Variants in ZC3H6 observed in about 807,000 individuals in gnomAD.
The protein encoded by ZC3H6 is zinc finger CCCH-type containing 6.
ZC3H6 carries 40 observed loss-of-function variants against 107.7 expected under a neutral mutation model. The ratio of observed to expected loss-of-function variants is 0.37; its 90% CI spans 0.29 to 0.48. The LOEUF (loss-of-function observed/expected upper bound fraction) is 0.48. ZC3H6 is among the 20% of genes least tolerant of loss of function. ZC3H6 has a pLI of 0.98. For missense variants in ZC3H6, 1,267 were observed against 1,410.4 expected (o/e 0.90, Z 1.63); for synonymous variants, 493 against 487.9 (o/e 1.01, Z -0.14).
chr2:112,322,150 TCCTC>T (rs969447935), intron 8 of ZC3H6, among the ~76,000 whole-genome samples: 6 of 143,778 alleles, frequency 4.2e-5, no homozygotes, highest in African/African-American at 1.0e-4. Flanking sequence ...CCTCCTTCCT[TCCTC>T]CCTCCCTCCC....
chr2:112,315,576 G>A (rs1160143301), intron 5 of ZC3H6, among the ~76,000 whole-genome samples: 2 of 150,988 alleles, frequency 1.3e-5, no homozygotes, highest in East Asian at 1.9e-4. Context: ...ATAAAATATT[G>A]TAAACTTTTT....
chr2:112,311,437 T>C (rs571994969), intron 4 of ZC3H6, among the ~76,000 whole-genome samples: 1 of 152,362 alleles, frequency 6.6e-6, no homozygotes, highest in Non-Finnish European at 1.5e-5. Context: ...AAATTTGATT[T>C]GCTGCTAATT....
In ZC3H6 at chr2:112,311,941, C is replaced by T; in HGVS notation, c.747+4C>T. 6 of 1,606,878 alleles carry T rather than the reference C, an allele frequency of 3.7e-6. No homozygotes were observed. Among genetic ancestry groups the T allele is most frequent in the Non-Finnish European group, 5.1e-6 (6 of 1,176,542 alleles). On this transcript the variant is annotated splice_donor_region_variant and intron_variant, in intron 5 of 11. Coordinates refer to ENST00000409871, the MANE Select transcript of ZC3H6 (RefSeq NM_198581.3). ...AGTATCGGATGACTTTCAAGAGGTA[C>T]TAAGAATTTATGTATAAGGAGGGGA...
chr2:112,314,997 C>G (rs933762188), intron 5 of ZC3H6, among the ~76,000 whole-genome samples: 2 of 152,148 alleles, frequency 1.3e-5, no homozygotes, highest in African/African-American at 4.8e-5. Context: ...ATTTAGACAT[C>G]TATTGCCTCA....
chr2:112,282,063 C>CTTAGA (rs1399408493), intron 1 of ZC3H6, among the ~76,000 whole-genome samples: 1 of 152,216 alleles, frequency 6.6e-6, no homozygotes, highest in Non-Finnish European at 1.5e-5. Flanking sequence ...TTGTGCTCTA[C>CTTAGA]ACTCCACAGT....
chr2:112,320,168 G>C (rs1676775295), intron 7 of ZC3H6, among the ~76,000 whole-genome samples: 1 of 152,146 alleles, frequency 6.6e-6, no homozygotes, highest in Non-Finnish European at 1.5e-5. Context: ...CCCGACCTCA[G>C]GTGATCCGCC....
chr2:112,295,233 A>T (rs1676210691), intron 1 of ZC3H6, among the ~76,000 whole-genome samples: 1 of 152,114 alleles, frequency 6.6e-6, no homozygotes, highest in Non-Finnish European at 1.5e-5. Flanking sequence ...CTCCTTTTTT[A>T]AAAAGGACAT....
rs1412673422 is a variant in ZC3H6, at chr2:112,310,273, G to C, written c.613+112G>C. On this transcript the variant is annotated intron_variant, in intron 4 of 11. Transcript: ENST00000409871. ...TGTTCAAGATTAGCTTATTCTTGTA[G>C]AACCTAAATTCATTTTCTTTTATTT... 9.5e-6 allele frequency: 10 copies of C among 1,050,664 alleles called. No homozygotes were observed. In the African/African-American group the frequency reaches 9.7e-5, roughly 10 times the overall value. 65.1% of individuals were successfully genotyped at this position (1,050,664 alleles called of 1,614,324 possible).
chr2:112,297,565 A>G (rs1055038159), intron 1 of ZC3H6, among the ~76,000 whole-genome samples: 2 of 152,236 alleles, frequency 1.3e-5, no homozygotes, highest in African/African-American at 4.8e-5. Context: ...TGCATTTTAA[A>G]ATACTATTAA....
intron 1 of ZC3H6, among the ~76,000 whole-genome samples, chr2:112,293,047 G>A (rs1255056773): frequency 5.9e-5 from 9 of 152,168 alleles, no homozygotes; most frequent in African/African-American, 1.9e-4. Context: ...GTAAAAATTA[G>A]GAGAGCCATG....
intron 9 of ZC3H6, among the ~76,000 whole-genome samples, chr2:112,323,747 T>A (rs1676849194): frequency 6.6e-6 from 1 of 152,160 alleles, no homozygotes; most frequent in African/African-American, 2.4e-5. Flanking sequence ...CAATAACCAA[T>A]TACAAATTAT....
Position 112,331,901 on chromosome 2 carries a change from GC to G in ZC3H6, c.2987del (p.Pro996LeufsTer67). 1 of 1,613,932 alleles carries G rather than the reference GC, an allele frequency of 6.2e-7. No homozygotes were observed. Among genetic ancestry groups the G allele is most frequent in the Non-Finnish European group, 8.5e-7 (1 of 1,179,888 alleles). ...GAAGGATTCACATGCATCAAAGGGT[GC>G]CCCTCACTTACCCAGATCAAACCCT... ...VMKDSHASKG[A>X]PHLPRSNPGS... On this transcript the variant is annotated frameshift_variant, in exon 12 of 12. Transcript: ENST00000409871. LOFTEE classifies it high-confidence loss of function.
In ZC3H6 at chr2:112,331,765, A is replaced by G. The variant is rs1445731369; in HGVS notation, c.2847A>G (p.Gln949=). The change falls in exon 12 of 12, where the codon CAA becomes CAG. Residue 949 remains glutamine (Q), a synonymous_variant. Coordinates refer to ENST00000409871, the MANE Select transcript of ZC3H6 (RefSeq NM_198581.3). ...CAAACAGAGAAGGCTACCTAGAACA[A>G]TTTGGAGACTCACACGGTTCAGGAG... ...NTTNREGYLE[Q]FGDSHGSGAK... 1.2e-6 allele frequency: 2 copies of G among 1,613,650 alleles called. No individual in the cohort carries two copies. The highest frequency in any genetic ancestry group is 2.2e-5 in the East Asian group (1 of 44,878).
intron 1 of ZC3H6, among the ~76,000 whole-genome samples, chr2:112,288,017 C>T (rs1182277563): frequency 1.3e-5 from 2 of 152,238 alleles, no homozygotes; most frequent in African/African-American, 4.8e-5. Flanking sequence ...TCATTAACAT[C>T]TGTTGTCACC....
At chr2:112,328,233 C>A (rs1042150235) in intron 11 of ZC3H6, among the ~76,000 whole-genome samples, 15 of 152,094 alleles carry the variant, frequency 9.9e-5, no homozygotes, top group African/African-American at 3.6e-4. Flanking sequence ...GTTTTGATTA[C>A]TATAGCTCTC....
chr2:112,304,829 C>T (rs1428731621), intron 3 of ZC3H6, among the ~76,000 whole-genome samples: 1 of 152,118 alleles, frequency 6.6e-6, no homozygotes, highest in African/African-American at 2.4e-5. Flanking sequence ...TTCCTAATCT[C>T]TTGTGAGTTT....
intron 6 of ZC3H6, 40 bp downstream of exon 6, chr2:112,316,626 AAAT>A (rs1194152496): frequency 7.7e-7 from 1 of 1,291,400 alleles, no homozygotes; most frequent in East Asian, 2.5e-5. Flanking sequence ...TTAACTTCCA[AAAT>A]AATCTTTAAA....
intron 8 of ZC3H6, 149 bp from the exon 9 acceptor site, chr2:112,322,500 C>T: frequency 3.6e-6 from 3 of 838,802 alleles, no homozygotes; most frequent in Non-Finnish European, 5.3e-6. Flanking sequence ...CTTGGCCTTC[C>T]AAGGTGTTGA....
At position 112,280,764 on chromosome 2, in the gene ZC3H6, G is replaced by C. The variant is rs1686512144; in HGVS notation, c.32+4738G>C. Among the ~76,000 whole-genome samples, 3 of 152,258 alleles carry C rather than the reference G, an allele frequency of 2.0e-5. No individual in the cohort carries two copies. The South Asian group carries it at 6.2e-4, about 32-fold the overall frequency. Reference sequence around the variant, plus strand: ...AAAGCATGGATAAATGGCACAAGTAGGTTCAGGGATGATAAAAGTGTTAGT... The same window carrying C: ...AAAGCATGGATAAATGGCACAAGTACGTTCAGGGATGATAAAAGTGTTAGT... On this transcript the variant is annotated intron_variant, in intron 1 of 11. Coordinates refer to ENST00000409871, the MANE Select transcript of ZC3H6 (RefSeq NM_198581.3).
Sources: allele counts gnomAD v4.1 joint callset (sites outside exome capture counted in the v4.1 genomes callset), GRCh38; gene constraint gnomAD v4.1.1; transcripts MANE v1.5; gene names NCBI Gene and HGNC (gene_info 2026-07-23, HGNC 2026-07-21).